Variants in WWC1 observed in about 807,000 individuals in gnomAD.
WWC1 encodes protein KIBRA.
Under a neutral mutation model 138.4 loss-of-function variants are expected in WWC1, and 55 were observed. The ratio of observed to expected loss-of-function variants is 0.40; its 90% CI spans 0.32 to 0.50. The LOEUF is 0.50. WWC1 is among the 20% of genes least tolerant of loss of function. The pLI is 0.72. For missense variants in WWC1, 1,226 were observed against 1,420.4 expected (o/e 0.86, Z 2.20); for synonymous variants, 524 against 564.9 (o/e 0.93, Z 1.03).
rs542236268 is a variant in WWC1 at position 168,461,186 on chromosome 5, G to A, written c.2916+444G>A. ...TCTACTAAAAATACAAAAATTAGCC[G>A]GGCGTGGTAGCGTGTACCTGTAGTC... On this transcript the variant is annotated intron_variant, in intron 20 of 22. Coordinates refer to ENST00000265293, the MANE Select transcript of WWC1 (RefSeq NM_015238.3). Among the ~76,000 whole-genome samples, 547 of 152,178 alleles carry A rather than the reference G, an allele frequency of 3.6e-3. 2 individuals are homozygous for A. The highest frequency in any genetic ancestry group is 6.1e-3 in the Non-Finnish European group (414 of 68,004).
chr5:168,438,271 T>C (rs1315045781), intron 15 of WWC1, among the ~76,000 whole-genome samples: 1 of 152,104 alleles, frequency 6.6e-6, no homozygotes, highest in African/African-American at 2.4e-5. Flanking sequence ...CCATGTGTTG[T>C]GGGAGGGACC....
At chr5:168,345,653 G>A (rs1411694962) in intron 1 of WWC1, among the ~76,000 whole-genome samples, 1 of 152,232 alleles carries the variant, frequency 6.6e-6, no homozygotes, top group African/African-American at 2.4e-5. Flanking sequence ...GATGTTGACA[G>A]TAAATACTGA....
Position 168,292,341 on chromosome 5 carries a change from C to G in WWC1, c.119+70C>G. 2.4e-5 allele frequency: 36 copies of G among 1,520,540 alleles called. No individual in the cohort carries two copies. The highest frequency in any genetic ancestry group is 3.2e-5 in the Non-Finnish European group (36 of 1,130,256). 94.2% of individuals were successfully genotyped at this position (1,520,540 alleles called of 1,614,324 possible). A position where few individuals can be genotyped will look rare whatever the true frequency, so the allele number is the denominator to read the frequency against. ...GGCCCCCACCTGCCCCTGGAGCCGC[C>G]GGCCGGGACTGGGAGGGGGCAGGGG... On this transcript the variant is annotated intron_variant, in intron 1 of 22. Transcript: ENST00000265293. This position sits in a 1 kb window ranked among gnomAD's most constrained non-coding sequence, Gnocchi z 4.4.
chr5:168,295,216 T>A (rs1769420920), intron 1 of WWC1, among the ~76,000 whole-genome samples: 1 of 152,062 alleles, frequency 6.6e-6, no homozygotes. Flanking sequence ...GAGAAGTGGG[T>A]TGGTTAGATG....
chr5:168,360,256 C>G (rs960944601), intron 1 of WWC1, among the ~76,000 whole-genome samples: 1 of 152,116 alleles, frequency 6.6e-6, no homozygotes, highest in African/African-American at 2.4e-5. Flanking sequence ...TCAGAAAATG[C>G]TGAATGTGTT....
chr5:168,301,982 C>T (rs1299126109), intron 1 of WWC1, among the ~76,000 whole-genome samples: 1 of 152,212 alleles, frequency 6.6e-6, no homozygotes, highest in Non-Finnish European at 1.5e-5. Context: ...CCCCTCCTCC[C>T]CCAGTCTTAT....
intron 5 of WWC1, among the ~76,000 whole-genome samples, chr5:168,403,359 A>C (rs998971167): frequency 1.3e-5 from 2 of 152,116 alleles, no homozygotes; most frequent in South Asian, 4.1e-4. Context: ...GGCCTCCCAA[A>C]GTGCTGGGAT....
Position 168,469,238 on chromosome 5 carries a change from A to C in WWC1, c.*221A>C. 9.0e-6 allele frequency: 5 copies of C among 556,700 alleles called. No homozygotes were observed. The highest frequency in any genetic ancestry group is 1.6e-5 in the Non-Finnish European group (5 of 311,558). The allele number at this position is 556,700 out of a possible 1,614,324, so 34.5% of individuals were successfully genotyped here. A position where few individuals can be genotyped will look rare whatever the true frequency, so the allele number is the denominator to read the frequency against. On this transcript the variant is annotated 3_prime_UTR_variant, in exon 23 of 23. Coordinates refer to ENST00000265293, the MANE Select transcript of WWC1 (RefSeq NM_015238.3). ...ACACACAAAAACAGAAACAAAAAAA[A>C]CCAGCATTAAAATAATAAGATTGTA...
intron 1 of WWC1, among the ~76,000 whole-genome samples, chr5:168,314,212 A>G (rs553117836): frequency 6.7e-4 from 89 of 133,508 alleles, no homozygotes; most frequent in African/African-American, 2.2e-3. Flanking sequence ...GGAGTCTACA[A>G]TAAGTTTCCC....
At chr5:168,314,575 G>GA (rs200728263) in intron 1 of WWC1, among the ~76,000 whole-genome samples, 90 of 150,248 alleles carry the variant, frequency 6.0e-4, no homozygotes, top group African/African-American at 2.0e-3. Flanking sequence ...CTCAAAAAAA[G>GA]AAAAAAAAAG....
rs58545200 is a variant in WWC1 at position 168,337,383 on chromosome 5, C to T, written c.120-34041C>T. Among the ~76,000 whole-genome samples the T allele has an allele frequency of 1.2e-3, 188 of 152,110 alleles. 1 individual carries two copies. The highest frequency in any genetic ancestry group is 4.3e-3 in the African/African-American group (177 of 41,434). On this transcript the variant is annotated intron_variant, in intron 1 of 22. Coordinates refer to ENST00000265293, the MANE Select transcript of WWC1 (RefSeq NM_015238.3). ...TTGACATCTCCTCTCTTTCCTACAC[C>T]CCTCCCCCCAGAAACAGCTGGCAAT...
At chr5:168,324,126 A>G (rs1249473643) in intron 1 of WWC1, among the ~76,000 whole-genome samples, 1 of 152,242 alleles carries the variant, frequency 6.6e-6, no homozygotes, top group Non-Finnish European at 1.5e-5. Context: ...CAGTTATACA[A>G]TAAGAAATGT....
At chr5:168,403,367 G>T (rs1779532763) in intron 5 of WWC1, among the ~76,000 whole-genome samples, 1 of 152,090 alleles carries the variant, frequency 6.6e-6, no homozygotes, top group Non-Finnish European at 1.5e-5. Flanking sequence ...AAAGTGCTGG[G>T]ATTACAGGTG....
intron 3 of WWC1, among the ~76,000 whole-genome samples, chr5:168,387,932 C>T (rs750022637): frequency 2.6e-5 from 4 of 151,878 alleles, no homozygotes; most frequent in Admixed American, 6.6e-5. Flanking sequence ...CTCTAAAGTC[C>T]CACAGTTTGA....
intron 1 of WWC1, among the ~76,000 whole-genome samples, chr5:168,300,686 G>C (rs1769983858): frequency 6.6e-6 from 1 of 150,580 alleles, no homozygotes; most frequent in African/African-American, 2.4e-5. Flanking sequence ...AGGACACCAG[G>C]CCAACTGCAG....
chr5:168,372,248 C>CTCCTCCTGTGG (rs1374123655), intron 2 of WWC1, among the ~76,000 whole-genome samples: 41 of 147,912 alleles, frequency 2.8e-4, no homozygotes, highest in Non-Finnish European at 3.2e-4. Flanking sequence ...TGGAGGAACC[C>CTCCTCCTGTGG]AGGGAGCAAT....
chr5:168,416,926 G>T (rs1341420555), intron 9 of WWC1, among the ~76,000 whole-genome samples: 1 of 152,064 alleles, frequency 6.6e-6, no homozygotes, highest in Non-Finnish European at 1.5e-5. Context: ...GGAGTGCAGT[G>T]GCACGATCTC....
chr5:168,412,982 A>G (rs991021607), intron 8 of WWC1, among the ~76,000 whole-genome samples: 2 of 152,192 alleles, frequency 1.3e-5, no homozygotes. Flanking sequence ...CTCCTGGGAC[A>G]CTTGCCTGGG....
intron 1 of WWC1, among the ~76,000 whole-genome samples, chr5:168,365,767 C>T (rs1005662587): frequency 2.0e-5 from 3 of 152,182 alleles, no homozygotes; most frequent in Non-Finnish European, 4.4e-5. Flanking sequence ...TCCAGGAGGG[C>T]CTGTTGAGAA....
Sources: allele counts gnomAD v4.1 joint callset (sites outside exome capture counted in the v4.1 genomes callset), GRCh38; gene constraint gnomAD v4.1.1; non-coding constraint Gnocchi (gnomAD v3.1); transcripts MANE v1.5; gene names NCBI Gene and HGNC (gene_info 2026-07-23, HGNC 2026-07-21).